CTNNA2: variants seen among roughly 807,000 people sequenced by gnomAD.
CTNNA2 encodes the protein catenin alpha 2.
A neutral mutation model predicts 101.0 loss-of-function variants in CTNNA2; 42 were observed. That is an observed-to-expected ratio of 0.42 (90% confidence interval 0.32 to 0.54). The LOEUF is 0.54. Among genes scored for constraint, CTNNA2 ranks in the 20% least tolerant of loss-of-function variants. CTNNA2 has a pLI of 0.14. For missense variants in CTNNA2, 871 were observed against 1,223.1 expected, an observed-to-expected ratio of 0.71 and a Z score of 4.29; for synonymous variants, 450 against 456.4, an observed-to-expected ratio of 0.99 and a Z score of 0.18.
At chr2:79,557,912 G>T (rs555257063) in intron 1 of CTNNA2, among the ~76,000 whole-genome samples, 4 of 152,040 alleles carry the variant, frequency 2.6e-5, no homozygotes, top group Admixed American at 2.0e-4. Context: ...GTTTAGCTGT[G>T]CATAGGATTC....
rs185896014 is a variant in CTNNA2 at position 80,562,789 on chromosome 2, T to G, written c.1741+6896T>G. Among the ~76,000 whole-genome samples the G allele has an allele frequency of 7.2e-5, 11 of 152,318 alleles. No individual in the cohort carries two copies. In the East Asian group the frequency reaches 2.1e-3, roughly 29 times the overall value. On this transcript the variant is annotated intron_variant, in intron 12 of 18. Transcript: ENST00000402739. ...AATAACTATACAATCTCTGACTATATTTTTAGGTTAAAAAATGAGGTGGAA... is the reference window on the plus strand; with the variant it reads ...AATAACTATACAATCTCTGACTATAGTTTTAGGTTAAAAAATGAGGTGGAA...
chr2:80,147,341 A>T (rs1279534184), intron 7 of CTNNA2, among the ~76,000 whole-genome samples: 1 of 152,024 alleles, frequency 6.6e-6, no homozygotes, highest in Non-Finnish European at 1.5e-5. Context: ...ACCTCAAGTG[A>T]TCCACCAACT....
At chr2:79,510,845 A>G (rs865962012), upstream of CTNNA2, among the ~76,000 whole-genome samples, 2 of 152,388 alleles carry the variant, frequency 1.3e-5, no homozygotes, top group Middle Eastern at 3.4e-3. Context: ...GAAAGTCACT[A>G]CAAAACAACA....
chr2:80,179,249 T>A (rs1705601048), intron 7 of CTNNA2, among the ~76,000 whole-genome samples: 1 of 152,228 alleles, frequency 6.6e-6, no homozygotes, highest in Admixed American at 6.5e-5. Context: ...AGTCACCACT[T>A]GGTTAAACTT....
rs1019700235 is a variant in CTNNA2, at chr2:80,594,204, G to A, written c.2189+4719G>A. ...GCCATCCTAATGGATGTGAAGTGGT[G>A]TCTCATGGTGGTTTTAATTTGTATT... On this transcript the variant is annotated intron_variant, in intron 15 of 18. Coordinates refer to ENST00000402739, the MANE Select transcript of CTNNA2 (RefSeq NM_001282597.3). Among the ~76,000 whole-genome samples, 7 of 152,136 alleles carry A rather than the reference G, an allele frequency of 4.6e-5. No individual in the cohort carries two copies. In the South Asian group the frequency reaches 1.0e-3, roughly 23 times the overall value.
rs189026250 is a variant in CTNNA2 at position 80,068,683 on chromosome 2, G to T, written c.1056+158886G>T. Among the ~76,000 whole-genome samples the T allele has an allele frequency of 1.7e-3, 261 of 152,250 alleles. 2 individuals carry two copies. Among genetic ancestry groups the T allele is most frequent in the African/African-American group, 6.0e-3 (250 of 41,530 alleles). ...TTTAACTTTTCTCTTAATAACTTGA[G>T]AGTTGGAGAGTGAGGGTAGGAAAAA... On this transcript the variant is annotated intron_variant, in intron 7 of 18. Transcript: ENST00000402739.
chr2:79,616,909 C>CTTTTTTTTTTTTTTTT (rs1425285033), intron 1 of CTNNA2, among the ~76,000 whole-genome samples: 2 of 146,346 alleles, frequency 1.4e-5, no homozygotes, highest in South Asian at 4.4e-4. Context: ...TTCTTTCTTT[C>CTTTTTTTTTTTTTTTT]TTTTTTTTTC....
chr2:79,678,542 CA>C (rs569707654), intron 2 of CTNNA2, among the ~76,000 whole-genome samples: 15,862 of 98,866 alleles, frequency 0.16, 1,309 homozygotes, highest in African/African-American at 0.34. Context: ...CTCAAACAAA[CA>C]AAAAAAAAAA....
At chr2:79,399,213 A>T (rs34589143) in intron 4 of CTNNA2, among the ~76,000 whole-genome samples, 31 of 152,060 alleles carry the variant, frequency 2.0e-4, no homozygotes, top group South Asian at 4.1e-4. Flanking sequence ...TGAGGATAAG[A>T]GGCTGATTTT....
intron 9 of CTNNA2, among the ~76,000 whole-genome samples, chr2:80,539,449 G>C (rs1691352134): frequency 6.7e-6 from 1 of 150,306 alleles, no homozygotes; most frequent in Non-Finnish European, 1.5e-5. Context: ...TGAGCATCTA[G>C]AAAGTAGTGC....
At chr2:80,360,796 CT>C (rs1196768791) in intron 7 of CTNNA2, among the ~76,000 whole-genome samples, 1 of 152,056 alleles carries the variant, frequency 6.6e-6, no homozygotes, top group African/African-American at 2.4e-5. Context: ...TACTTGCTTT[CT>C]GATAAGATTT....
chr2:80,043,172 TCC>T (rs1459147804), intron 7 of CTNNA2, among the ~76,000 whole-genome samples: 11 of 104,640 alleles, frequency 1.1e-4, no homozygotes, highest in African/African-American at 4.8e-4. Context: ...CTTCCTTCCT[TCC>T]TTCCTTCCTT....
intron 1 of CTNNA2, among the ~76,000 whole-genome samples, chr2:79,604,905 C>T (rs2104124389): frequency 6.6e-6 from 1 of 152,222 alleles, no homozygotes; most frequent in African/African-American, 2.4e-5. Flanking sequence ...CAGAACAAAG[C>T]TTATGAATAT....
intron 7 of CTNNA2, among the ~76,000 whole-genome samples, chr2:79,939,679 A>G (rs915437694): frequency 2.0e-5 from 3 of 152,230 alleles, no homozygotes; most frequent in Non-Finnish European, 2.9e-5. Flanking sequence ...AAGTTTAGCA[A>G]TAAGTCTAGA....
At chr2:80,080,490 G>T (rs943136145) in intron 7 of CTNNA2, among the ~76,000 whole-genome samples, 1 of 152,192 alleles carries the variant, frequency 6.6e-6, no homozygotes, top group Non-Finnish European at 1.5e-5. Flanking sequence ...AGAGCTAAGT[G>T]TAACAGCCAG....
At chr2:79,285,184 T>A (rs1459403885) in intron 2 of CTNNA2, among the ~76,000 whole-genome samples, 2 of 151,900 alleles carry the variant, frequency 1.3e-5, no homozygotes, top group African/African-American at 2.4e-5. Context: ...ATCAATTTTG[T>A]TGATCCTTTC....
At chr2:80,537,786 T>A (rs1573183451) in intron 9 of CTNNA2, among the ~76,000 whole-genome samples, 1 of 151,892 alleles carries the variant, frequency 6.6e-6, no homozygotes, top group East Asian at 1.9e-4. Flanking sequence ...AGAGGTGGGG[T>A]TTCTCCATGT....
At chr2:80,138,171 T>A (rs1397748089) in intron 7 of CTNNA2, among the ~76,000 whole-genome samples, 1 of 152,172 alleles carries the variant, frequency 6.6e-6, no homozygotes, top group East Asian at 1.9e-4. Context: ...TTCACCCCAG[T>A]GTCAACAGAG....
intron 7 of CTNNA2, among the ~76,000 whole-genome samples, chr2:80,047,926 T>C (rs1360674915): frequency 6.6e-6 from 1 of 152,204 alleles, no homozygotes; most frequent in Non-Finnish European, 1.5e-5. Flanking sequence ...GATATGTGCC[T>C]TTCATCTTAT....
Sources: allele counts gnomAD v4.1 joint callset (sites outside exome capture counted in the v4.1 genomes callset), GRCh38; gene constraint gnomAD v4.1.1; transcripts MANE v1.5; gene names NCBI Gene and HGNC (gene_info 2026-07-23, HGNC 2026-07-21).